The following CPE variants were observed in gnomAD, a reference collection of about 807,000 sequenced individuals.
The protein encoded by CPE is carboxypeptidase E, also known as carbocypeptidase E.
In CPE, 17 loss-of-function variants were observed where a neutral mutation model predicts 53.5. The ratio of observed to expected loss-of-function variants is 0.32; its 90% CI spans 0.22 to 0.48. CPE has a LOEUF of 0.48. Ranked by LOEUF, CPE falls within the 20% of genes least tolerant of loss-of-function variation. The probability of loss-of-function intolerance (pLI) is 0.99; values close to 1 mark genes in which losing one functional copy is unlikely to be tolerated. For synonymous variants in CPE, 226 were observed against 228.8 expected, an observed-to-expected ratio of 0.99 and a Z score of 0.11; for missense variants, 524 against 614.7, an observed-to-expected ratio of 0.85 and a Z score of 1.56.
intron 1 of CPE, among the ~76,000 whole-genome samples, chr4:165,461,586 T>C (rs547649299): frequency 3.9e-4 from 59 of 152,246 alleles, no homozygotes; most frequent in African/African-American, 1.4e-3. Context: ...AATATCCCAG[T>C]TTGGAACCTT....
At chr4:165,387,307 A>G (rs932797514) in intron 1 of CPE, among the ~76,000 whole-genome samples, 1 of 152,212 alleles carries the variant, frequency 6.6e-6, no homozygotes, top group Non-Finnish European at 1.5e-5. Context: ...TTATGATAAT[A>G]CACCGTGGAA....
intron 1 of CPE, among the ~76,000 whole-genome samples, chr4:165,452,108 T>A (rs1731822131): frequency 6.6e-6 from 1 of 152,032 alleles, no homozygotes; most frequent in African/African-American, 2.4e-5. Flanking sequence ...CTAAAGTGGA[T>A]CTCACAGAAG....
intron 1 of CPE, among the ~76,000 whole-genome samples, chr4:165,450,694 T>G (rs927747827): frequency 6.6e-6 from 1 of 152,240 alleles, no homozygotes; most frequent in African/African-American, 2.4e-5. Context: ...ATTTCATGTC[T>G]GATAATATTC....
At chr4:165,422,449 G>A (rs13133060) in intron 1 of CPE, among the ~76,000 whole-genome samples, 1,542 of 152,206 alleles carry the variant, frequency 0.01, 15 homozygotes, top group Middle Eastern at 0.024. Context: ...TTATCTCTGA[G>A]TAACCCTTTG....
At chr4:165,399,252 A>T (rs1282461831) in intron 1 of CPE, among the ~76,000 whole-genome samples, 2 of 152,246 alleles carry the variant, frequency 1.3e-5, no homozygotes, top group Non-Finnish European at 2.9e-5. Flanking sequence ...TTTGAGGGTG[A>T]TAAAAATAAT....
At chr4:165,383,509 C>T (rs1730537266) in intron 1 of CPE, among the ~76,000 whole-genome samples, 1 of 152,142 alleles carries the variant, frequency 6.6e-6, no homozygotes, top group African/African-American at 2.4e-5. Context: ...ACACGTAGTT[C>T]AAGATAGCTT....
rs949851535 is a variant in CPE at position 165,379,309 on chromosome 4, C to G, written c.88C>G (p.Pro30Ala). The change falls in exon 1 of 9, where the codon CCC (proline) becomes GCC (alanine). Residue 30 changes from proline (P) to alanine (A), a missense_variant. Physicochemically the swap from Pro to Ala is conservative, Grantham distance 27. Coordinates refer to ENST00000402744, the MANE Select transcript of CPE (RefSeq NM_001873.4). This position sits in a 1 kb window ranked among gnomAD's most constrained non-coding sequence, Gnocchi z 6.0. The part of the protein sequence containing the change: ...GWLLGAEAQE[P>A]GAPAAGMRRR... The stretch of plus-strand genomic sequence containing the variant: ...GCTCCTGGGCGCCGAAGCCCAGGAG[C>G]CCGGGGCGCCCGCGGCGGGCATGAG... 8 of 1,548,592 alleles carry G rather than the reference C, an allele frequency of 5.2e-6. No individual in the cohort carries two copies. The highest frequency in any genetic ancestry group is 5.2e-6 in the Non-Finnish European group (6 of 1,152,466).
chr4:165,453,834 CT>C lies in CPE; in HGVS notation c.308-10555del, dbSNP rs1394161647. On this transcript the variant is annotated intron_variant, in intron 1 of 8. Transcript: ENST00000402744. ...TCTGGCTTTCCTGGTAAGATCCTAA[CT>C]AAAGAAAGAGAGGTGAGCAAAGGAA... Among the ~76,000 whole-genome samples, 4 of 152,132 alleles carry C rather than the reference CT, an allele frequency of 2.6e-5. No individual in the cohort carries two copies. In the East Asian group the frequency reaches 7.7e-4, roughly 29 times the overall value.
intron 1 of CPE, chr4:165,381,437 A>G (rs1474356904): frequency 2.5e-6 from 1 of 394,446 alleles, no homozygotes; most frequent in African/African-American, 2.1e-5. Context: ...TGCATAACAC[A>G]GTGTATTAAA....
intron 6 of CPE, among the ~76,000 whole-genome samples, chr4:165,490,946 A>G (rs899271262): frequency 1.3e-5 from 2 of 152,210 alleles, no homozygotes; most frequent in African/African-American, 4.8e-5. Context: ...TTCTCCAGGC[A>G]TGAGTGAAAT....
chr4:165,433,615 G>A (rs1345770602), intron 1 of CPE, among the ~76,000 whole-genome samples: 1 of 152,148 alleles, frequency 6.6e-6, no homozygotes, highest in Non-Finnish European at 1.5e-5. Flanking sequence ...ACTCAATGCT[G>A]CCATTTATAG....
At chr4:165,467,169 A>G (rs1243153108) in intron 2 of CPE, among the ~76,000 whole-genome samples, 1 of 152,170 alleles carries the variant, frequency 6.6e-6, no homozygotes, top group Non-Finnish European at 1.5e-5. Flanking sequence ...CCAAAAATAA[A>G]AAACTTAGCC....
At chr4:165,490,123 T>C (rs767182916) in intron 6 of CPE, among the ~76,000 whole-genome samples, 4 of 152,234 alleles carry the variant, frequency 2.6e-5, no homozygotes, top group Non-Finnish European at 5.9e-5. Context: ...AAATCTAAGC[T>C]TGGACTAGTT....
At position 165,423,733 on chromosome 4, in the gene CPE, G is replaced by A. The variant is rs1044583154; in HGVS notation, c.308-40657G>A. ...ATGTATACATGTGCCATGCTGGTGCGCTGCACCCACTAACTCGTCATTTAG... is the reference window on the plus strand; with the variant it reads ...ATGTATACATGTGCCATGCTGGTGCACTGCACCCACTAACTCGTCATTTAG... On this transcript the variant is annotated intron_variant, in intron 1 of 8. Transcript: ENST00000402744. Among the ~76,000 whole-genome samples, 2 of 151,264 alleles carry A rather than the reference G, an allele frequency of 1.3e-5. 1 individual carries two copies.
chr4:165,413,838 C>T (rs1731080898), intron 1 of CPE, among the ~76,000 whole-genome samples: 1 of 152,112 alleles, frequency 6.6e-6, no homozygotes, highest in Admixed American at 6.6e-5. Context: ...AATTGGGCAG[C>T]TGTTTATCTT....
At chr4:165,395,827 A>G (rs1463886659) in intron 1 of CPE, among the ~76,000 whole-genome samples, 2 of 152,216 alleles carry the variant, frequency 1.3e-5, no homozygotes, top group Non-Finnish European at 2.9e-5. Context: ...AAATAGAATT[A>G]CAAAAAACCC....
chr4:165,469,674 G>A (rs565559219), intron 3 of CPE, among the ~76,000 whole-genome samples: 3 of 152,140 alleles, frequency 2.0e-5, no homozygotes, highest in Non-Finnish European at 4.4e-5. Context: ...CCAGCTTTAT[G>A]TATGTTATTT....
intron 1 of CPE, among the ~76,000 whole-genome samples, chr4:165,437,696 G>A (rs1731532452): frequency 6.6e-6 from 1 of 152,158 alleles, no homozygotes; most frequent in Non-Finnish European, 1.5e-5. Flanking sequence ...GGGTATGATG[G>A]GAGGAAAGAC....
intron 7 of CPE, among the ~76,000 whole-genome samples, chr4:165,494,390 A>G (rs998861066): frequency 2.0e-5 from 3 of 152,264 alleles, no homozygotes; most frequent in African/African-American, 7.2e-5. Context: ...AGAATACTCC[A>G]GCTTTTCAGG....
Sources: gnomAD v4.1 joint callset for allele counts (sites outside exome capture counted in the v4.1 genomes callset) on GRCh38, gnomAD v4.1.1 for gene constraint, Gnocchi (gnomAD v3.1) non-coding constraint, MANE v1.5 for transcripts, NCBI Gene and HGNC (gene_info 2026-07-23, HGNC 2026-07-21) for gene names.